Variants in TRIM24 observed in about 807,000 individuals in gnomAD.
TRIM24 encodes the protein tripartite motif containing 24.
In TRIM24, 29 loss-of-function variants were observed where a neutral mutation model predicts 123.9. The observed-to-expected ratio is 0.23, with a 90% confidence interval of 0.17 to 0.32. The LOEUF (loss-of-function observed/expected upper bound fraction) is 0.32, where lower values mean the gene tolerates loss of function less well. TRIM24 is among the 10% of genes least tolerant of loss of function. The pLI is 1.00. For synonymous variants in TRIM24, 456 were observed against 461.1 expected (o/e 0.99, Z 0.14); for missense variants, 932 against 1,295.3 (o/e 0.72, Z 4.31).
intron 9 of TRIM24, among the ~76,000 whole-genome samples, chr7:138,559,604 A>T (rs1279991678): frequency 6.6e-6 from 1 of 152,164 alleles, no homozygotes; most frequent in African/African-American, 2.4e-5. Context: ...TCAGCCGTGC[A>T]TAGACTGGTC....
chr7:138,499,412 A>G (rs1187313400), intron 1 of TRIM24, among the ~76,000 whole-genome samples: 1 of 152,190 alleles, frequency 6.6e-6, no homozygotes, highest in Non-Finnish European at 1.5e-5. Context: ...GTCCAGTTTT[A>G]TTACCCACAG....
At chr7:138,532,093 T>A (rs1796759914) in intron 6 of TRIM24, among the ~76,000 whole-genome samples, 1 of 152,132 alleles carries the variant, frequency 6.6e-6, no homozygotes, top group African/African-American at 2.4e-5. Context: ...TTGTTTGAGT[T>A]CATTGTAGAT....
intron 1 of TRIM24, chr7:138,491,083 C>A: frequency 3.9e-6 from 1 of 257,028 alleles, no homozygotes; most frequent in South Asian, 4.4e-5. Flanking sequence ...GAAGTTAAGT[C>A]AGGCAATTTT....
chr7:138,460,512 G>C lies in TRIM24; in HGVS notation c.-37G>C. On this transcript the variant is annotated 5_prime_UTR_variant, in exon 1 of 19. Transcript: ENST00000343526. Reference sequence around the variant, plus strand: ...TCGTCGGGGGCGGCGGGCGGAGACCGCGCTCTCGCTTCCCCGGCGGCGGCA... The same window carrying C: ...TCGTCGGGGGCGGCGGGCGGAGACCCCGCTCTCGCTTCCCCGGCGGCGGCA... The C allele has an allele frequency of 7.9e-7, 1 of 1,261,164 alleles. No individual in the cohort carries two copies. Among genetic ancestry groups the C allele is most frequent in the Non-Finnish European group, 9.9e-7 (1 of 1,007,904 alleles). The allele number at this position is 1,261,164 out of a possible 1,614,324, so 78.1% of individuals were successfully genotyped here. A position where few individuals can be genotyped will look rare whatever the true frequency, so the allele number is the denominator to read the frequency against.
At chr7:138,537,191 G>A (rs146160914) in intron 6 of TRIM24, among the ~76,000 whole-genome samples, 3,222 of 152,028 alleles carry the variant, frequency 0.021, 109 homozygotes, top group African/African-American at 0.072. Context: ...GCCCTGCTTC[G>A]GCTCACACTC....
chr7:138,553,819 A>G (rs149764083), intron 8 of TRIM24, among the ~76,000 whole-genome samples: 1 of 152,146 alleles, frequency 6.6e-6, no homozygotes, highest in Non-Finnish European at 1.5e-5. Flanking sequence ...CGTCTGGATG[A>G]GTGTTGTGCC....
chr7:138,520,767 A>C (rs1418621401), intron 4 of TRIM24, among the ~76,000 whole-genome samples: 1 of 152,238 alleles, frequency 6.6e-6, no homozygotes, highest in African/African-American at 2.4e-5. Context: ...TTGGCCTAGC[A>C]TGAAACGAGA....
intron 9 of TRIM24, among the ~76,000 whole-genome samples, chr7:138,565,150 C>G (rs1461469641): frequency 6.6e-6 from 1 of 152,144 alleles, no homozygotes; most frequent in African/African-American, 2.4e-5. Flanking sequence ...ATTGGTTCCT[C>G]CTGGAACCGC....
chr7:138,462,668 C>G (rs1463411184), intron 1 of TRIM24, among the ~76,000 whole-genome samples: 1 of 151,828 alleles, frequency 6.6e-6, no homozygotes, highest in Non-Finnish European at 1.5e-5. Context: ...TTGGCTTATG[C>G]TGTTCCTGTG....
At chr7:138,533,282 C>A (rs1453191152) in intron 6 of TRIM24, among the ~76,000 whole-genome samples, 1 of 152,132 alleles carries the variant, frequency 6.6e-6, no homozygotes, top group Admixed American at 6.6e-5. Flanking sequence ...AGAGGGCATC[C>A]CTGTCTTGTG....
At chr7:138,511,204 A>C (rs1355646679) in intron 2 of TRIM24, among the ~76,000 whole-genome samples, 1 of 152,086 alleles carries the variant, frequency 6.6e-6, no homozygotes, top group Admixed American at 6.5e-5. Context: ...GGAAACTTAC[A>C]ATCATGGTGG....
chr7:138,577,240 A>G (rs1358681464), intron 13 of TRIM24, among the ~76,000 whole-genome samples, 180 bp from the exon 14 acceptor site: 1 of 150,912 alleles, frequency 6.6e-6, no homozygotes, highest in East Asian at 1.9e-4. Flanking sequence ...TATGTAAAAC[A>G]TTTTTATCAT....
At chr7:138,528,376 T>A (rs1796656682) in intron 5 of TRIM24, among the ~76,000 whole-genome samples, 1 of 152,172 alleles carries the variant, frequency 6.6e-6, no homozygotes, top group Non-Finnish European at 1.5e-5. Flanking sequence ...TCAGAGCACA[T>A]TCCTTTGAGC....
chr7:138,466,275 G>A (rs1214425688), intron 1 of TRIM24, among the ~76,000 whole-genome samples: 3 of 152,140 alleles, frequency 2.0e-5, no homozygotes, highest in Non-Finnish European at 2.9e-5. Context: ...GATTACAGGC[G>A]TGAGCCACTG....
At chr7:138,573,255 CATGAT>C (rs1035217605) in intron 11 of TRIM24, among the ~76,000 whole-genome samples, 19 of 152,268 alleles carry the variant, frequency 1.2e-4, no homozygotes, top group African/African-American at 4.6e-4. Flanking sequence ...GTGTGAATGA[CATGAT>C]ATTCCTTTTG....
chr7:138,494,550 A>G (rs1464322419), intron 1 of TRIM24, among the ~76,000 whole-genome samples: 1 of 152,104 alleles, frequency 6.6e-6, no homozygotes, highest in East Asian at 2.0e-4. Flanking sequence ...CCTGGGCAAC[A>G]TAGCAAGACC....
At chr7:138,476,701 G>C (rs1319666857) in intron 1 of TRIM24, among the ~76,000 whole-genome samples, 1 of 152,174 alleles carries the variant, frequency 6.6e-6, no homozygotes, top group South Asian at 2.1e-4. Context: ...TATATTGCCG[G>C]TGGGAATGCA....
rs1795802592 is a variant in TRIM24, at chr7:138,492,198, G to C, written c.365-12092G>C. Among the ~76,000 whole-genome samples the C allele has an allele frequency of 3.4e-5, 5 of 148,016 alleles. No individual in the cohort carries two copies. The South Asian group carries it at 1.1e-3, about 31-fold the overall frequency. ...GAGGCAAGAGGAACACTTGAGCCTA[G>C]GAGGTGGAGGCTGCAGTGAGCTGTG... On this transcript the variant is annotated intron_variant, in intron 1 of 18. Transcript: ENST00000343526.
intron 4 of TRIM24, 21 bp downstream of exon 4, chr7:138,519,342 A>G (rs749649406): frequency 1.9e-6 from 3 of 1,581,558 alleles, no homozygotes; most frequent in East Asian, 2.2e-5. Context: ...CTTTGGTTAT[A>G]TATATAGATT....
Sources: gnomAD v4.1 joint callset for allele counts (sites outside exome capture counted in the v4.1 genomes callset) on GRCh38, gnomAD v4.1.1 for gene constraint, MANE v1.5 for transcripts, NCBI Gene and HGNC (gene_info 2026-07-23, HGNC 2026-07-21) for gene names.